Variants in UNC5D observed in about 807,000 individuals in gnomAD.
The protein encoded by UNC5D is netrin receptor UNC5D.
UNC5D carries 39 observed loss-of-function variants against 105.4 expected under a neutral mutation model. The ratio of observed to expected loss-of-function variants is 0.37; its 90% CI spans 0.29 to 0.48. The LOEUF is 0.48. UNC5D is among the 20% of genes least tolerant of loss of function. The probability of loss-of-function intolerance (pLI) is 0.98; values close to 1 mark genes in which losing one functional copy is unlikely to be tolerated. For missense variants in UNC5D, 991 were observed against 1,202.4 expected, an observed-to-expected ratio of 0.82 and a Z score of 2.60; for synonymous variants, 452 against 450.4, an observed-to-expected ratio of 1.00 and a Z score of -0.04.
At chr8:35,445,734 T>G (rs1422417625) in intron 1 of UNC5D, among the ~76,000 whole-genome samples, 2 of 152,056 alleles carry the variant, frequency 1.3e-5, no homozygotes, top group African/African-American at 4.8e-5. Context: ...CAGAAACTCT[T>G]CGGGAGGAAC....
chr8:35,493,888 G>A (rs1167216703), intron 1 of UNC5D, among the ~76,000 whole-genome samples: 1 of 151,994 alleles, frequency 6.6e-6, no homozygotes, highest in Non-Finnish European at 1.5e-5. Flanking sequence ...AAATTGATAG[G>A]TAAATTTTTT....
At chr8:35,734,602 G>T (rs1829366495) in intron 11 of UNC5D, among the ~76,000 whole-genome samples, 1 of 151,846 alleles carries the variant, frequency 6.6e-6, no homozygotes, top group Non-Finnish European at 1.5e-5. Context: ...TAGAGATGGG[G>T]TTTCTCTATG....
At chr8:35,291,019 C>T (rs1807026856) in intron 1 of UNC5D, among the ~76,000 whole-genome samples, 2 of 150,882 alleles carry the variant, frequency 1.3e-5, no homozygotes, top group Non-Finnish European at 2.9e-5. Flanking sequence ...CAGAAATCAG[C>T]TACTTTTGGC....
At chr8:35,383,099 A>C (rs1299315127) in intron 1 of UNC5D, among the ~76,000 whole-genome samples, 1 of 152,228 alleles carries the variant, frequency 6.6e-6, no homozygotes, top group African/African-American at 2.4e-5. Flanking sequence ...ATCAATGATC[A>C]CATTAAAGTA....
At chr8:35,764,226 C>T (rs191441414) in intron 14 of UNC5D, among the ~76,000 whole-genome samples, 6 of 152,146 alleles carry the variant, frequency 3.9e-5, no homozygotes, top group Non-Finnish European at 8.8e-5. Flanking sequence ...GTTAAATTTG[C>T]CAGAGAAGTA....
At chr8:35,399,980 A>G (rs1200040746) in intron 1 of UNC5D, among the ~76,000 whole-genome samples, 1 of 152,124 alleles carries the variant, frequency 6.6e-6, no homozygotes, top group East Asian at 1.9e-4. Context: ...CTGTATGAGG[A>G]GAAACTACCA....
At chr8:35,372,469 G>A (rs1246213478) in intron 1 of UNC5D, among the ~76,000 whole-genome samples, 1 of 151,986 alleles carries the variant, frequency 6.6e-6, no homozygotes, top group Non-Finnish European at 1.5e-5. Flanking sequence ...TATTTTGGGG[G>A]GTTATGATAC....
chr8:35,472,074 A>G (rs1301608770), intron 1 of UNC5D, among the ~76,000 whole-genome samples: 4 of 152,258 alleles, frequency 2.6e-5, no homozygotes, highest in Admixed American at 2.0e-4. Flanking sequence ...AGTATATAAT[A>G]TTTAAATGAA....
chr8:35,657,080 G>GTGTGTATATATATATATA (rs1281641556), intron 4 of UNC5D, among the ~76,000 whole-genome samples: 2 of 46,516 alleles, frequency 4.3e-5, no homozygotes, highest in Admixed American at 2.6e-4. Flanking sequence ...GTGTGTGTGT[G>GTGTGTATATATATATATA]TATATATATA....
chr8:35,472,884 G>T (rs1231577623), intron 1 of UNC5D, among the ~76,000 whole-genome samples: 1 of 152,126 alleles, frequency 6.6e-6, no homozygotes, highest in Admixed American at 6.6e-5. Context: ...AAGATCCCGG[G>T]ATGAAAGCGT....
At chr8:35,635,100 T>G (rs1393507395) in intron 4 of UNC5D, among the ~76,000 whole-genome samples, 2 of 152,200 alleles carry the variant, frequency 1.3e-5, no homozygotes, top group African/African-American at 4.8e-5. Context: ...AATTTGACAC[T>G]GACTTCTTGG....
intron 1 of UNC5D, among the ~76,000 whole-genome samples, chr8:35,371,831 T>A (rs2128925473): frequency 6.6e-6 from 1 of 152,266 alleles, no homozygotes; most frequent in East Asian, 1.9e-4. Context: ...TCCCAATAGG[T>A]GTAGATGTTT....
intron 1 of UNC5D, among the ~76,000 whole-genome samples, chr8:35,400,119 A>G (rs754363947): frequency 1.8e-4 from 27 of 152,106 alleles, no homozygotes; most frequent in Non-Finnish European, 3.7e-4. Flanking sequence ...GGCATTCATG[A>G]CATTATTAGG....
intron 1 of UNC5D, among the ~76,000 whole-genome samples, chr8:35,398,657 G>A (rs1343300078): frequency 2.0e-5 from 3 of 151,956 alleles, no homozygotes; most frequent in Admixed American, 6.6e-5. Context: ...TGTCTTTACT[G>A]AATACATAAG....
At chr8:35,569,230 CT>C (rs908779372) in intron 3 of UNC5D, among the ~76,000 whole-genome samples, 1 of 152,180 alleles carries the variant, frequency 6.6e-6, no homozygotes, top group Admixed American at 6.5e-5. Context: ...AGCCCTCCCA[CT>C]TCCATTATTC....
intron 1 of UNC5D, among the ~76,000 whole-genome samples, chr8:35,259,868 G>C (rs1585433551): frequency 6.6e-6 from 1 of 151,932 alleles, no homozygotes; most frequent in African/African-American, 2.4e-5. Flanking sequence ...GCAGGGAAGG[G>C]TACACATTTG....
chr8:35,722,288 G>C lies in UNC5D; in HGVS notation c.1196G>C (p.Gly399Ala). 1 of 1,614,182 alleles carries C rather than the reference G, an allele frequency of 6.2e-7. No homozygotes were observed. The highest frequency in any genetic ancestry group is 8.5e-7 in the Non-Finnish European group (1 of 1,180,032). The change falls in exon 9 of 17, where the codon GGT (glycine) becomes GCT (alanine). Residue 399 changes from glycine to alanine, a missense_variant. Transcript: ENST00000404895. ...AVVAVAVLVI[G>A]VTLYRRSQSD... ...GTGGCCGTTGCAGTCCTGGTCATTG[G>C]TGTCACCCTTTACAGACGGAGCCAG...
chr8:35,534,562 A>G lies in UNC5D; in HGVS notation c.104-14730A>G, dbSNP rs576144619. Among the ~76,000 whole-genome samples, 343 of 151,464 alleles carry G rather than the reference A, an allele frequency of 2.3e-3. 2 individuals carry two copies. The highest frequency in any genetic ancestry group is 7.9e-3 in the African/African-American group (324 of 41,252). On this transcript the variant is annotated intron_variant, in intron 1 of 16. Coordinates refer to ENST00000404895, the MANE Select transcript of UNC5D (RefSeq NM_080872.4). Reference sequence around the variant, plus strand: ...CTTCTGCTTGAGAAACTTTGGGTTGATGGTTCTACATTTACTTCAAGATCA... The same window carrying G: ...CTTCTGCTTGAGAAACTTTGGGTTGGTGGTTCTACATTTACTTCAAGATCA...
chr8:35,567,963 C>T, intron 2 of UNC5D, 135 bp from the exon 3 acceptor site: 3 of 1,344,792 alleles, frequency 2.2e-6, no homozygotes, highest in Admixed American at 2.3e-5. Flanking sequence ...ATATTATTGT[C>T]AAAGTAATTA....
Sources: gnomAD v4.1 joint callset for allele counts (sites outside exome capture counted in the v4.1 genomes callset) on GRCh38, gnomAD v4.1.1 for gene constraint, MANE v1.5 for transcripts, NCBI Gene and HGNC (gene_info 2026-07-23, HGNC 2026-07-21) for gene names.